The following TTBK1 variants were observed in gnomAD, a reference collection of about 807,000 sequenced individuals.
TTBK1 encodes tau tubulin kinase 1.
A neutral mutation model predicts 108.5 loss-of-function variants in TTBK1; 34 were observed. The ratio of observed to expected loss-of-function variants is 0.31; its 90% CI spans 0.24 to 0.42. TTBK1 has a LOEUF of 0.42. Ranked by LOEUF, TTBK1 falls within the 10% of genes least tolerant of loss-of-function variation. The pLI is 1.00. For missense variants in TTBK1, 1,539 were observed against 1,826.0 expected (o/e 0.84, Z 2.86); for synonymous variants, 809 against 795.1 (o/e 1.02, Z -0.29).
intron 2 of TTBK1, among the ~76,000 whole-genome samples, chr6:43,250,501 T>C (rs12204335): frequency 0.23 from 35,438 of 151,758 alleles, 4,308 homozygotes; most frequent in East Asian, 0.38. Flanking sequence ...GGATTACAGG[T>C]GCCCGCCACC....
rs1020539443 is a variant in TTBK1, at chr6:43,259,677, G to A, written c.1395G>A (p.Ala465=). 21 of 1,600,502 alleles carry A rather than the reference G, an allele frequency of 1.3e-5. No homozygotes were observed. Among genetic ancestry groups the A allele is most frequent in the African/African-American group, 6.7e-5 (5 of 74,610 alleles). The change falls in exon 12 of 15, where the codon GCG becomes GCA. Residue 465 remains alanine, a synonymous_variant. Transcript: ENST00000259750. The surrounding 1 kb of genome is among the most constrained non-coding windows in gnomAD (Gnocchi z 6.7). ...CTGAGTCAGAAAGGCTGTCCACGGC[G>A]GACGGGCGAGTGGAGCTACCTGAGA... is the stretch of plus-strand genomic sequence containing the variant. The part of the protein sequence containing the change: ...NSPESERLST[A]DGRVELPERR...
chr6:43,270,220 ACAGGG>A, intron 13 of TTBK1: 1 of 1,295,000 alleles, frequency 7.7e-7, no homozygotes, highest in South Asian at 2.3e-5. Context: ...AGTTTCCAGG[ACAGGG>A]CAGGGGCGCT....
Position 43,284,038 on chromosome 6 carries a change from C to T in TTBK1, c.3298C>T (p.Arg1100Cys), listed in dbSNP as rs191236024. Reference protein sequence around the residue: ...ARLVMEKRQGRLLLRLASGAS... With the variant: ...ARLVMEKRQGCLLLRLASGAS... ...GCTGGTGATGGAGAAGAGGCAGGGC[C>T]GCCTGCTGTTGCGGCTGGCCTCAGG... The change falls in exon 14 of 15, where the codon CGC (arginine) becomes TGC (cysteine). Residue 1100 changes from arginine to cysteine, a missense_variant. By Grantham distance (180) the Arg-to-Cys change is radical. Around this residue, in one of 5 missense-constraint regions of TTBK1, gnomAD observed 1,055 missense variants for 1,086.5 expected, o/e 0.97. Coordinates refer to ENST00000259750, the MANE Select transcript of TTBK1 (RefSeq NM_032538.3). 9 of 1,555,734 alleles carry T rather than the reference C, an allele frequency of 5.8e-6. No homozygotes were observed. Among genetic ancestry groups the T allele is most frequent in the African/African-American group, 2.7e-5 (2 of 73,454 alleles).
At position 43,284,195 on chromosome 6, in the gene TTBK1, C is replaced by G; in HGVS notation, c.3455C>G (p.Thr1152Ser). The G allele has an allele frequency of 6.3e-7, 1 of 1,579,336 alleles. No homozygotes were observed. The highest frequency in any genetic ancestry group is 8.5e-7 in the Non-Finnish European group (1 of 1,170,604). Reference protein sequence around the residue: ...LPRKSGRAAATRSRIPRPIGL... With the variant: ...LPRKSGRAAASRSRIPRPIGL... ...AGGAAGAGCGGGAGGGCAGCCGCCACCAGGAGCCGGATTCCCCGCCCCATT... is the reference window on the plus strand; with the variant it reads ...AGGAAGAGCGGGAGGGCAGCCGCCAGCAGGAGCCGGATTCCCCGCCCCATT... Residue 1152 changes from threonine to serine, a missense_variant, in exon 14 of 15, where the codon ACC (threonine) becomes AGC (serine). Around this residue, in one of 5 missense-constraint regions of TTBK1, gnomAD observed 1,055 missense variants for 1,086.5 expected, o/e 0.97. Transcript: ENST00000259750.
chr6:43,279,618 G>C (rs1357785922), intron 13 of TTBK1, among the ~76,000 whole-genome samples: 1 of 152,158 alleles, frequency 6.6e-6, no homozygotes, highest in Admixed American at 6.5e-5. Flanking sequence ...GACTGGCAAA[G>C]TGTCCCAGCA....
chr6:43,275,998 C>G (rs1777978547), intron 13 of TTBK1, among the ~76,000 whole-genome samples: 1 of 152,046 alleles, frequency 6.6e-6, no homozygotes, highest in Non-Finnish European at 1.5e-5. Context: ...AGAAACTCAG[C>G]ACCGGGGCCC....
intron 13 of TTBK1, among the ~76,000 whole-genome samples, chr6:43,266,983 A>G (rs114449725): frequency 0.013 from 1,996 of 149,668 alleles, 39 homozygotes; most frequent in African/African-American, 0.046. Flanking sequence ...AGGATCAGAG[A>G]GAGCCTGGAG....
intron 13 of TTBK1, among the ~76,000 whole-genome samples, chr6:43,275,352 C>T (rs1189961440): frequency 6.6e-6 from 1 of 151,642 alleles, no homozygotes; most frequent in African/African-American, 2.4e-5. Flanking sequence ...GGGTTCGCGT[C>T]CCCCGCCGCC....
chr6:43,284,040 C>T lies in TTBK1; in HGVS notation c.3300C>T (p.Arg1100=), dbSNP rs1218624516. 9.0e-6 allele frequency: 14 copies of T among 1,551,862 alleles called. No individual in the cohort carries two copies. In the Admixed American group the frequency reaches 1.3e-4, roughly 15 times the overall value. The change falls in exon 14 of 15, where the codon CGC becomes CGT. Residue 1100 remains arginine (R), a synonymous_variant. Transcript: ENST00000259750. ...TGGTGATGGAGAAGAGGCAGGGCCGCCTGCTGTTGCGGCTGGCCTCAGGGG... is the reference window on the plus strand; with the variant it reads ...TGGTGATGGAGAAGAGGCAGGGCCGTCTGCTGTTGCGGCTGGCCTCAGGGG... ...ARLVMEKRQG[R]LLLRLASGAS... is the part of the protein sequence containing the mutation.
intron 13 of TTBK1, among the ~76,000 whole-genome samples, chr6:43,281,673 C>G (rs6929983): frequency 3.3e-5 from 5 of 151,902 alleles, no homozygotes; most frequent in Non-Finnish European, 7.4e-5. Context: ...AGGATATCCC[C>G]GGGGCTTCTG....
chr6:43,269,790 C>T lies in TTBK1; in HGVS notation c.1986+6440C>T. 6.4e-7 allele frequency: 1 copy of T among 1,569,972 alleles called. No individual in the cohort carries two copies. The highest frequency in any genetic ancestry group is 8.6e-7 in the Non-Finnish European group (1 of 1,163,518). On this transcript the variant is annotated intron_variant, in intron 13 of 14. Coordinates refer to ENST00000259750, the MANE Select transcript of TTBK1 (RefSeq NM_032538.3). The surrounding 1 kb of genome is among the most constrained non-coding windows in gnomAD (Gnocchi z 4.8). ...CGGCTCCTCGGGCTCCTCCGGTTCC[C>T]TCATTCAGCGCAGCCGCTCGGCTGA...
rs752400031 is a variant in TTBK1, at chr6:43,282,286, G to A, written c.1987-441G>A. 2.0e-5 allele frequency among the ~76,000 whole-genome samples: 3 copies of A among 152,230 alleles called. No homozygotes were observed. The highest frequency in any genetic ancestry group is 2.9e-5 in the Non-Finnish European group (2 of 68,034). ...GGAAGTGGCACAGATACTTGCCGCCGTCTCTGGACCTGGCTTTCTCATCTG... is the reference window on the plus strand; with the variant it reads ...GGAAGTGGCACAGATACTTGCCGCCATCTCTGGACCTGGCTTTCTCATCTG... On this transcript the variant is annotated intron_variant, in intron 13 of 14. Coordinates refer to ENST00000259750, the MANE Select transcript of TTBK1 (RefSeq NM_032538.3). This position sits in a 1 kb window ranked among gnomAD's most constrained non-coding sequence, Gnocchi z 5.4.
chr6:43,281,996 G>A (rs1434681285), intron 13 of TTBK1, among the ~76,000 whole-genome samples: 1 of 152,198 alleles, frequency 6.6e-6, no homozygotes, highest in Non-Finnish European at 1.5e-5. Context: ...ACATTGCCAA[G>A]GGCTCTGCAC....
chr6:43,252,624 A>C, intron 2 of TTBK1, 115 bp from the exon 3 acceptor site: 1 of 1,244,486 alleles, frequency 8.0e-7, no homozygotes, highest in African/African-American at 1.5e-5. Context: ...TCCATCTCAA[A>C]AAAAAAAAAA....
rs756254497 is a variant in TTBK1, at chr6:43,254,661, G to A, written c.576+10G>A. Reference sequence around the variant, plus strand: ...GGGGGATGTGCGGCCCGTGAGTACCGTCGGGGCGGGGAGGACAGTGGAGGA... The same window carrying A: ...GGGGGATGTGCGGCCCGTGAGTACCATCGGGGCGGGGAGGACAGTGGAGGA... On this transcript the variant is annotated intron_variant, in intron 6 of 14. Coordinates refer to ENST00000259750, the MANE Select transcript of TTBK1 (RefSeq NM_032538.3). 1.5e-5 allele frequency: 23 copies of A among 1,552,404 alleles called. No homozygotes were observed. In the Admixed American group the frequency reaches 3.2e-4, roughly 22 times the overall value.
In TTBK1 at chr6:43,252,974, G is replaced by A. The variant is rs1582478307; in HGVS notation, c.256+88G>A. Reference sequence around the variant, plus strand: ...GATAAGATCAGAAGCTGGGGTGAGGGAGGAGATGTCGTGTGGTAGAGGGAA... The same window carrying A: ...GATAAGATCAGAAGCTGGGGTGAGGAAGGAGATGTCGTGTGGTAGAGGGAA... On this transcript the variant is annotated intron_variant, in intron 3 of 14. Transcript: ENST00000259750. 5.3e-6 allele frequency: 8 copies of A among 1,501,592 alleles called. No homozygotes were observed. In the East Asian group the frequency reaches 1.6e-4, roughly 30 times the overall value. The allele number at this position is 1,501,592 out of a possible 1,614,324, so 93.0% of individuals were successfully genotyped here.
chr6:43,264,720 G>A (rs550922975), intron 13 of TTBK1, among the ~76,000 whole-genome samples: 1 of 152,326 alleles, frequency 6.6e-6, no homozygotes, highest in South Asian at 2.1e-4. Flanking sequence ...GCAGCAGGGA[G>A]GAGTGGGAAG....
rs55950221 is a variant in TTBK1 at position 43,283,560 on chromosome 6, C to T, written c.2820C>T (p.Asn940=). ...ACATTGCGGAGAAAACCCACCTCAA[C>T]GTCATGTCTTCCGGTGGACAAGCCT... ...FVHIAEKTHL[N]VMSSGGQALR... The change falls in exon 14 of 15, where the codon AAC becomes AAT. Residue 940 remains asparagine, a synonymous_variant. Coordinates refer to ENST00000259750, the MANE Select transcript of TTBK1 (RefSeq NM_032538.3). The surrounding 1 kb of genome is among the most constrained non-coding windows in gnomAD (Gnocchi z 8.1). 8.8e-3 allele frequency: 14,138 copies of T among 1,614,160 alleles called. 77 individuals are homozygous for T. Among genetic ancestry groups the T allele is most frequent in the Middle Eastern group, 0.011 (64 of 6,062 alleles).
At position 43,285,579 on chromosome 6, in the gene TTBK1, C is replaced by G. The variant is rs938175247; in HGVS notation, c.*203C>G. On this transcript the variant is annotated 3_prime_UTR_variant, in exon 15 of 15. Transcript: ENST00000259750. This position sits in a 1 kb window ranked among gnomAD's most constrained non-coding sequence, Gnocchi z 4.7. ...TTAGGGCCCGTGGGGGACGCGGCCC[C>G]GCGCCGCGGGGAGGGTCTGCCTCCC... 1.8e-6 allele frequency: 1 copy of G among 565,874 alleles called. No individual in the cohort carries two copies. Among genetic ancestry groups the G allele is most frequent in the African/African-American group, 2.0e-5 (1 of 50,710 alleles). 35.1% of individuals were successfully genotyped at this position (565,874 alleles called of 1,614,324 possible).
Sources: allele counts gnomAD v4.1 joint callset (sites outside exome capture counted in the v4.1 genomes callset), GRCh38; gene constraint gnomAD v4.1.1; regional missense constraint gnomAD v4.1.1; non-coding constraint Gnocchi (gnomAD v3.1); transcripts MANE v1.5; gene names NCBI Gene and HGNC (gene_info 2026-07-23, HGNC 2026-07-21).